The following ZNRF1 variants were observed in gnomAD, a reference collection of about 807,000 sequenced individuals.
ZNRF1 encodes E3 ubiquitin-protein ligase ZNRF1.
A neutral mutation model predicts 18.4 loss-of-function variants in ZNRF1; 3 were observed. The observed-to-expected ratio is 0.16, with a 90% CI of 0.07 to 0.42. The LOEUF is 0.42. Among genes scored for constraint, ZNRF1 ranks in the 10% least tolerant of loss-of-function variants. The pLI is 0.99. For missense variants in ZNRF1, 310 were observed against 329.8 expected (o/e 0.94, Z 0.47); for synonymous variants, 157 against 144.2 (o/e 1.09, Z -0.64).
At chr16:75,062,345 G>A (rs1418588044) in intron 1 of ZNRF1, among the ~76,000 whole-genome samples, 2 of 152,374 alleles carry the variant, frequency 1.3e-5, no homozygotes, top group African/African-American at 4.8e-5. Flanking sequence ...CATCTCTGAA[G>A]GCAGCTGAGA....
intron 2 of ZNRF1, among the ~76,000 whole-genome samples, chr16:75,096,118 AC>A (rs1259976673): frequency 6.9e-6 from 1 of 144,742 alleles, no homozygotes; most frequent in East Asian, 2.0e-4. Context: ...GAGGCTTTAC[AC>A]CTAAGGCTCT....
intron 1 of ZNRF1, among the ~76,000 whole-genome samples, chr16:75,006,496 C>G (rs777998319): frequency 1.3e-5 from 2 of 152,158 alleles, no homozygotes; most frequent in Non-Finnish European, 2.9e-5. Flanking sequence ...AGTGCAGTGG[C>G]ATGATCTGAG....
intron 1 of ZNRF1, among the ~76,000 whole-genome samples, chr16:75,028,644 G>A (rs1247397087): frequency 6.6e-6 from 1 of 152,194 alleles, no homozygotes; most frequent in African/African-American, 2.4e-5. Flanking sequence ...TCTTTTCTTG[G>A]TTTTCTGATT....
At chr16:75,022,536 A>T (rs2035166005) in intron 1 of ZNRF1, among the ~76,000 whole-genome samples, 2 of 152,104 alleles carry the variant, frequency 1.3e-5, no homozygotes, top group Non-Finnish European at 2.9e-5. Flanking sequence ...ACTGCACTCC[A>T]GCCTGGGCGA....
chr16:75,007,731 G>T (rs1307501208), intron 1 of ZNRF1, among the ~76,000 whole-genome samples: 2 of 152,274 alleles, frequency 1.3e-5, no homozygotes, highest in South Asian at 4.1e-4. Context: ...TGTAACAAAT[G>T]AACCTGAAAA....
intron 1 of ZNRF1, among the ~76,000 whole-genome samples, chr16:75,001,971 G>A (rs2034856819): frequency 6.6e-6 from 1 of 152,152 alleles, no homozygotes; most frequent in African/African-American, 2.4e-5. Flanking sequence ...AGGGAAGGGT[G>A]TCAAAAGTGT....
At chr16:75,027,051 C>T (rs1325503295) in intron 1 of ZNRF1, among the ~76,000 whole-genome samples, 3 of 152,134 alleles carry the variant, frequency 2.0e-5, no homozygotes, top group Non-Finnish European at 4.4e-5. Context: ...TCCTATTTCA[C>T]AGATAAGGAA....
chr16:75,020,717 T>A (rs962606837), intron 1 of ZNRF1, among the ~76,000 whole-genome samples: 1 of 152,118 alleles, frequency 6.6e-6, no homozygotes, highest in Non-Finnish European at 1.5e-5. Flanking sequence ...AATTTTTTTG[T>A]ATTTTTAGTG....
At chr16:75,027,956 A>G (rs1426374384) in intron 1 of ZNRF1, among the ~76,000 whole-genome samples, 1 of 152,030 alleles carries the variant, frequency 6.6e-6, no homozygotes, top group Non-Finnish European at 1.5e-5. Context: ...TGACCTTCCT[A>G]TTTCATTGAG....
chr16:75,008,270 T>G (rs2034949567), intron 1 of ZNRF1, among the ~76,000 whole-genome samples: 1 of 152,180 alleles, frequency 6.6e-6, no homozygotes, highest in Non-Finnish European at 1.5e-5. Context: ...TTGTTGGCTA[T>G]TTGATGGTTT....
intron 2 of ZNRF1, among the ~76,000 whole-genome samples, chr16:75,100,216 A>C (rs1405607550): frequency 6.6e-6 from 1 of 152,176 alleles, no homozygotes; most frequent in Non-Finnish European, 1.5e-5. Flanking sequence ...TCTTCCCACC[A>C]GTGCAGCAGA....
rs112384068 is a variant in ZNRF1, at chr16:75,068,873, CT to C, written c.425-24688del. ...CATCTATTCCCTTACTTGTCTGAGT[CT>C]TTTTTTTTTTCTCCCTCTTCTGTGA... is the stretch of plus-strand genomic sequence containing the variant. On this transcript the variant is annotated intron_variant, in intron 1 of 4. Transcript: ENST00000335325. Among the ~76,000 whole-genome samples, 525 of 147,392 alleles carry C rather than the reference CT, an allele frequency of 3.6e-3. 6 individuals carry two copies. Among genetic ancestry groups the C allele is most frequent in the Non-Finnish European group, 2.0e-3 (133 of 66,338 alleles).
At chr16:75,049,897 T>A (rs532910696) in intron 1 of ZNRF1, among the ~76,000 whole-genome samples, 4 of 149,256 alleles carry the variant, frequency 2.7e-5, no homozygotes, top group African/African-American at 1.0e-4. Context: ...ATCATACATA[T>A]GGGTTTATGT....
intron 1 of ZNRF1, among the ~76,000 whole-genome samples, chr16:75,093,249 A>T (rs1022206373): frequency 6.6e-6 from 1 of 152,108 alleles, no homozygotes; most frequent in African/African-American, 2.4e-5. Flanking sequence ...GCCAGGCGTC[A>T]TGGCAGACAC....
intron 1 of ZNRF1, among the ~76,000 whole-genome samples, chr16:75,040,904 A>T (rs148860279): frequency 2.1e-3 from 316 of 152,256 alleles, no homozygotes; most frequent in Middle Eastern, 3.4e-3. Flanking sequence ...CACCATGCCC[A>T]GCCCACTTAC....
intron 1 of ZNRF1, among the ~76,000 whole-genome samples, chr16:75,077,557 T>A (rs940407505): frequency 3.9e-5 from 6 of 152,074 alleles, no homozygotes; most frequent in Non-Finnish European, 8.8e-5. Flanking sequence ...AAAGAGTTGA[T>A]TTTTTAGAAG....
At chr16:75,054,592 A>T (rs753471914) in intron 1 of ZNRF1, among the ~76,000 whole-genome samples, 39 of 152,196 alleles carry the variant, frequency 2.6e-4, no homozygotes, top group Non-Finnish European at 4.8e-4. Context: ...AGGTGCCTTT[A>T]ATTCAGGGCC....
At chr16:75,103,175 T>C (rs1489773358) in intron 2 of ZNRF1, among the ~76,000 whole-genome samples, 1 of 152,196 alleles carries the variant, frequency 6.6e-6, no homozygotes, top group East Asian at 1.9e-4. Context: ...CTATTCACTG[T>C]CGCCGGCACG....
chr16:75,068,236 C>A (rs896763846), intron 1 of ZNRF1, among the ~76,000 whole-genome samples: 1 of 149,616 alleles, frequency 6.7e-6, no homozygotes, highest in Non-Finnish European at 1.5e-5. Context: ...TGATTGCATG[C>A]ACCTGTAGTC....
Sources: allele counts gnomAD v4.1 joint callset (sites outside exome capture counted in the v4.1 genomes callset), GRCh38; gene constraint gnomAD v4.1.1; transcripts MANE v1.5; gene names NCBI Gene and HGNC (gene_info 2026-07-23, HGNC 2026-07-21).